The following TACR2 variants were observed in gnomAD, a reference collection of about 807,000 sequenced individuals.
TACR2 encodes the protein substance-K receptor.
A neutral mutation model predicts 28.9 loss-of-function variants in TACR2; 24 were observed. That is an observed-to-expected ratio of 0.83 (90% CI 0.60 to 1.17). The LOEUF is 1.17. Ranked by LOEUF, TACR2 falls within the 50% of genes most tolerant of loss-of-function variation. The pLI is 0.00. For synonymous variants in TACR2, 222 were observed against 212.6 expected (o/e 1.04, Z -0.38); for missense variants, 487 against 524.4 (o/e 0.93, Z 0.70).
intron 2 of TACR2, among the ~76,000 whole-genome samples, chr10:69,413,634 C>G (rs1311748367): frequency 6.6e-6 from 1 of 152,188 alleles, no homozygotes; most frequent in Non-Finnish European, 1.5e-5. Context: ...CCTTCCCTAT[C>G]CCTGAAGCCC....
At chr10:69,407,697 G>A (rs1394373907) in intron 3 of TACR2, among the ~76,000 whole-genome samples, 2 of 152,114 alleles carry the variant, frequency 1.3e-5, no homozygotes, top group South Asian at 2.1e-4. Flanking sequence ...GATCCGTATC[G>A]GCACAGCCCT....
chr10:69,404,704 C>A lies in TACR2; in HGVS notation c.*122G>T. 1.9e-6 allele frequency: 1 copy of A among 519,102 alleles called. No homozygotes were observed. Among genetic ancestry groups the A allele is most frequent in the South Asian group, 3.6e-5 (1 of 27,608 alleles). 32.2% of individuals were successfully genotyped at this position (519,102 alleles called of 1,614,324 possible). On this transcript the variant is annotated 3_prime_UTR_variant, in exon 5 of 5. Coordinates refer to ENST00000373306, the MANE Select transcript of TACR2 (RefSeq NM_001057.3). ...ACAACTTGTTATTTTGGGAACTAGT[C>A]CATTCCCACAAGAGTGATGATTCAC...
intron 3 of TACR2, 40 bp from the exon 4 acceptor site, chr10:69,407,320 G>A: frequency 1.3e-6 from 2 of 1,560,858 alleles, no homozygotes; most frequent in Non-Finnish European, 1.7e-6. Context: ...TAGTGCCCAA[G>A]CCCCAGCCCC....
rs1005674863 is a variant in TACR2, at chr10:69,404,116, T to G, written c.*710A>C. ...TTGCCTTTTATCATCACATTTGCAG[T>G]TTTTCTTTTATACATATTCTTGTAT... On this transcript the variant is annotated 3_prime_UTR_variant, in exon 5 of 5. Coordinates refer to ENST00000373306, the MANE Select transcript of TACR2 (RefSeq NM_001057.3). 9.2e-5 allele frequency: 14 copies of G among 152,318 alleles called. No individual in the cohort carries two copies. The highest frequency in any genetic ancestry group is 3.1e-4 in the African/African-American group (13 of 41,550). The allele number at this position is 152,318 out of a possible 1,614,324, so 9.4% of individuals were successfully genotyped here. A position where few individuals can be genotyped will look rare whatever the true frequency, so the allele number is the denominator to read the frequency against.
chr10:69,414,184 C>T (rs943286011), intron 2 of TACR2, among the ~76,000 whole-genome samples: 2 of 152,174 alleles, frequency 1.3e-5, no homozygotes, highest in Non-Finnish European at 2.9e-5. Context: ...CTGGGCCATG[C>T]CTGAATTCCT....
chr10:69,404,917 G>T lies in TACR2; in HGVS notation c.1106C>A (p.Thr369Asn), dbSNP rs1024047301. ...MAGDTAPSEA[T>N]SGEAGRPQDG... ...CTGGGGACGCCCCGCCTCCCCACTG[G>T]TAGCCTCGGAGGGGGCTGTGTCCCC... is the stretch of plus-strand genomic sequence containing the variant. The change falls in exon 5 of 5, where the codon ACC becomes AAC. Residue 369 changes from threonine (T) to asparagine (N), a missense_variant. Coordinates refer to ENST00000373306, the MANE Select transcript of TACR2 (RefSeq NM_001057.3). 2.5e-6 allele frequency: 4 copies of T among 1,613,908 alleles called. No individual in the cohort carries two copies. Among genetic ancestry groups the T allele is most frequent in the Non-Finnish European group, 3.4e-6 (4 of 1,179,962 alleles).
At chr10:69,405,986 T>C (rs984139898) in intron 4 of TACR2, among the ~76,000 whole-genome samples, 1 of 152,246 alleles carries the variant, frequency 6.6e-6, no homozygotes, top group Admixed American at 6.5e-5. Flanking sequence ...TTTCCCCATC[T>C]GTAGAGTGGG....
intron 4 of TACR2, among the ~76,000 whole-genome samples, chr10:69,406,488 A>G (rs1424400109): frequency 6.6e-6 from 1 of 152,122 alleles, no homozygotes; most frequent in African/African-American, 2.4e-5. Context: ...TGTCTCTGAC[A>G]GGGTCACTTC....
rs1840618149 is a variant in TACR2, at chr10:69,416,247, A to G, written c.77T>C (p.Phe26Ser). The G allele has an allele frequency of 6.2e-7, 1 of 1,613,602 alleles. No homozygotes were observed. Among genetic ancestry groups the G allele is most frequent in the Admixed American group, 1.7e-5 (1 of 59,994 alleles). The change falls in exon 1 of 5, where the codon TTC (phenylalanine) becomes TCC (serine). Residue 26 changes from phenylalanine (F) to serine (S), a missense_variant. Transcript: ENST00000373306. The stretch of plus-strand genomic sequence containing the variant: ...TGCCAGTTGCCAGCTGGGCATGGAG[A>G]AGGCTGTGATGCCCGTGGTGTTGCT... ...PESNTTGITAFSMPSWQLALW... is the reference protein window; with the variant it reads ...PESNTTGITASSMPSWQLALW...
intron 4 of TACR2, 107 bp downstream of exon 4, chr10:69,406,977 G>C (rs899361280): frequency 4.2e-6 from 5 of 1,203,748 alleles, no homozygotes; most frequent in Admixed American, 4.5e-5. Flanking sequence ...CAGGGCCACA[G>C]GTTCCGGCAG....
Position 69,416,324 on chromosome 10 carries a change from G to A in TACR2, c.-1C>T. 2 of 1,580,314 alleles carry A rather than the reference G, an allele frequency of 1.3e-6. No individual in the cohort carries two copies. Among genetic ancestry groups the A allele is most frequent in the Middle Eastern group, 1.7e-4 (1 of 5,914 alleles). The stretch of plus-strand genomic sequence containing the variant: ...CAGTCACAATGTCACAGGTCCCCAT[G>A]GCTGCTTCTGGGTCTGGAACAAAGG... On this transcript the variant is annotated 5_prime_UTR_variant, in exon 1 of 5. Transcript: ENST00000373306.
At position 69,416,230 on chromosome 10, in the gene TACR2, G is replaced by A. The variant is rs754531180; in HGVS notation, c.94C>T (p.Gln32Ter). Residue 32 changes from glutamine (Q) to a stop codon, truncating the protein, a stop_gained, in exon 1 of 5, where the codon CAA becomes TAA. Transcript: ENST00000373306. LOFTEE classifies it high-confidence loss of function. ...TAGGCTGTGGCCCACAGTGCCAGTT[G>A]CCAGCTGGGCATGGAGAAGGCTGTG... ...GITAFSMPSW[Q>*]LALWATAYLA... 1 of 1,613,984 alleles carries A rather than the reference G, an allele frequency of 6.2e-7. No individual in the cohort carries two copies. The highest frequency in any genetic ancestry group is 8.5e-7 in the Non-Finnish European group (1 of 1,179,898).
rs201860473 is a variant in TACR2 at position 69,416,016 on chromosome 10, C to T, written c.308G>A (p.Arg103His). The change falls in exon 1 of 5, where the codon CGT becomes CAT. Residue 103 changes from arginine to histidine, a missense_variant. Physicochemically the swap from Arg to His is conservative, Grantham distance 29. Transcript: ENST00000373306. ...GAGGTTCTGGAAGTAGCAGAAGGCACGGCCAAAGTACCAGATGTTGTGGCT... is the reference window on the plus strand; with the variant it reads ...GAGGTTCTGGAAGTAGCAGAAGGCATGGCCAAAGTACCAGATGTTGTGGCT... Reference protein sequence around the residue: ...YASHNIWYFGRAFCYFQNLFP... With the variant: ...YASHNIWYFGHAFCYFQNLFP... 3.1e-5 allele frequency: 50 copies of T among 1,614,190 alleles called. No individual in the cohort carries two copies. The highest frequency in any genetic ancestry group is 6.7e-5 in the African/African-American group (5 of 75,052).
At chr10:69,409,922 T>TATATATATATATAC (rs1564581155) in intron 2 of TACR2, among the ~76,000 whole-genome samples, 3 of 90,460 alleles carry the variant, frequency 3.3e-5, no homozygotes, top group Non-Finnish European at 2.2e-5. Flanking sequence ...TATATATATA[T>TATATATATATATAC]ATATATATAT....
Position 69,405,034 on chromosome 10 carries a change from G to T in TACR2, c.989C>A (p.Pro330His). The stretch of plus-strand genomic sequence containing the variant: ...CAGCTCGAGCTTATCTTCCTTGGTG[G>T]GTGTGACCCATGGGCAGCAGCGGAA... ...LAFRCCPWVT[P>H]TKEDKLELTP... Residue 330 changes from proline to histidine, a missense_variant, in exon 5 of 5, where the codon CCC (proline) becomes CAC (histidine). Physicochemically the swap from Pro to His is moderately conservative, Grantham distance 77. Transcript: ENST00000373306. 6.2e-7 allele frequency: 1 copy of T among 1,614,040 alleles called. No homozygotes were observed. The highest frequency in any genetic ancestry group is 8.5e-7 in the Non-Finnish European group (1 of 1,179,954).
At chr10:69,405,155 C>A (rs1840490920) in intron 4 of TACR2, 71 bp from the exon 5 acceptor site, 1 of 1,297,652 alleles carries the variant, frequency 7.7e-7, no homozygotes, top group African/African-American at 1.5e-5. Flanking sequence ...TGCCCCCACC[C>A]CCAGGAAACT....
At chr10:69,413,250 C>G (rs1190653458) in intron 2 of TACR2, among the ~76,000 whole-genome samples, 2 of 152,176 alleles carry the variant, frequency 1.3e-5, no homozygotes, top group Non-Finnish European at 2.9e-5. Context: ...AAAACAATAA[C>G]ACATTCTCAC....
At chr10:69,411,151 T>C (rs573431717) in intron 2 of TACR2, among the ~76,000 whole-genome samples, 3 of 152,256 alleles carry the variant, frequency 2.0e-5, no homozygotes, top group South Asian at 2.1e-4. Context: ...GACTGAGGTG[T>C]TCCCAAACCT....
chr10:69,415,575 A>G (rs2133013100), intron 1 of TACR2, among the ~76,000 whole-genome samples: 2 of 152,362 alleles, frequency 1.3e-5, no homozygotes, highest in East Asian at 3.9e-4. Context: ...TAATAAAAAA[A>G]AAACTGTATA....
Sources: allele counts gnomAD v4.1 joint callset (sites outside exome capture counted in the v4.1 genomes callset), GRCh38; gene constraint gnomAD v4.1.1; transcripts MANE v1.5; gene names NCBI Gene and HGNC (gene_info 2026-07-23, HGNC 2026-07-21).